CFAP119: variants seen among roughly 807,000 people sequenced by gnomAD.
CFAP119 encodes cilia- and flagella-associated protein 119.
chr16:30,759,416 G>C, the CFAP119 span: 1 of 1,614,264 alleles, frequency 6.2e-7, no homozygotes, highest in Non-Finnish European at 8.5e-7. Context: ...TCCAAGGCCA[G>C]CAGCTGTTCC....
the CFAP119 span, chr16:30,760,096 T>G: frequency 2.6e-6 from 4 of 1,538,408 alleles, no homozygotes; most frequent in African/African-American, 5.5e-5. Context: ...CTGTAAAATG[T>G]GTGCTGTATC....
the CFAP119 span, chr16:30,762,018 T>C: frequency 5.3e-5 from 27 of 506,774 alleles, no homozygotes; most frequent in Non-Finnish European, 8.7e-5. Flanking sequence ...ACGTGAGAAG[T>C]TGCGAGTGCC....
chr16:30,759,373 A>C, the CFAP119 span: 2 of 1,614,184 alleles, frequency 1.2e-6, no homozygotes, highest in East Asian at 4.5e-5. Context: ...ATAGAGCTTG[A>C]AGTGGCGGAA....
chr16:30,759,574 G>A, the CFAP119 span: 71 of 1,613,940 alleles, frequency 4.4e-5, no homozygotes, highest in Non-Finnish European at 5.9e-5. Flanking sequence ...AAGAAGATAA[G>A]GGTGATGAAT....
chr16:30,758,954 C>T, the CFAP119 span: 1 of 1,604,474 alleles, frequency 6.2e-7, no homozygotes, highest in Non-Finnish European at 8.5e-7. Context: ...GTCATCCAAA[C>T]CCTTCATTCT....
the CFAP119 span, chr16:30,760,529 A>G: frequency 6.2e-7 from 1 of 1,606,834 alleles, no homozygotes; most frequent in African/African-American, 1.3e-5. Context: ...CTTTGGAGTC[A>G]GCCATTCCTC....
the CFAP119 span, chr16:30,759,072 G>C: frequency 6.2e-7 from 1 of 1,614,202 alleles, no homozygotes. Context: ...GTAACTGCCT[G>C]CTCCTCCATC....
At chr16:30,760,084 T>A in the CFAP119 span, 16 of 1,536,654 alleles carry the variant, frequency 1.0e-5, no homozygotes, top group Non-Finnish European at 1.4e-5. Flanking sequence ...CTCAGAACAG[T>A]CCTGTAAAAT....
the CFAP119 span, chr16:30,759,051 C>G: frequency 3.5e-4 from 571 of 1,614,188 alleles, 4 homozygotes; most frequent in African/African-American, 6.3e-3. Context: ...TCTAGTTCCT[C>G]TTTCTGCGGG....
the CFAP119 span, chr16:30,757,511 G>A: frequency 1.2e-6 from 2 of 1,614,156 alleles, no homozygotes; most frequent in Non-Finnish European, 1.7e-6. Flanking sequence ...CCCGGAGGTA[G>A]CTGGAAGGGC....
At chr16:30,761,565 G>T in the CFAP119 span, 17 of 1,536,040 alleles carry the variant, frequency 1.1e-5, no homozygotes, top group Non-Finnish European at 1.2e-5. Context: ...TTGGCTCCGG[G>T]GTCTTCATCC....
At chr16:30,759,136 A>G in the CFAP119 span, 2 of 1,614,186 alleles carry the variant, frequency 1.2e-6, no homozygotes, top group South Asian at 2.2e-5. Context: ...CTGTGGCCCC[A>G]GGCCTGGCCC....
chr16:30,760,155 G>A, the CFAP119 span: 4 of 1,582,558 alleles, frequency 2.5e-6, no homozygotes, highest in Admixed American at 5.3e-5. Context: ...GATGGCTTGT[G>A]TATGATGATG....
the CFAP119 span, chr16:30,757,708 G>A: frequency 8.3e-5 from 129 of 1,553,358 alleles, 1 homozygote; most frequent in Admixed American, 1.7e-4. Context: ...TCTGGCAATG[G>A]GGGGATGGTC....
chr16:30,760,709 T>C, the CFAP119 span: 9 of 1,533,014 alleles, frequency 5.9e-6, no homozygotes, highest in African/African-American at 9.6e-5. Flanking sequence ...GGCCGTTACC[T>C]ATCATGACAA....
At chr16:30,757,560 G>A in the CFAP119 span, 27 of 1,614,112 alleles carry the variant, frequency 1.7e-5, no homozygotes, top group Admixed American at 5.0e-5. Flanking sequence ...GCCTTTCCTC[G>A]CTGGCCTTGA....
chr16:30,760,236 G>A, the CFAP119 span: 25 of 1,613,404 alleles, frequency 1.5e-5, no homozygotes, highest in Admixed American at 5.0e-5. Context: ...TGCCAGGCCC[G>A]GTTCCTCTTC....
the CFAP119 span, chr16:30,761,470 C>G: frequency 2.0e-6 from 3 of 1,522,002 alleles, no homozygotes; most frequent in Non-Finnish European, 2.6e-6. Context: ...CGTTAGTAAG[C>G]ATAATGACAG....
At chr16:30,760,000 T>C in the CFAP119 span, 8 of 1,466,618 alleles carry the variant, frequency 5.5e-6, no homozygotes, top group Non-Finnish European at 7.2e-6. Context: ...TATTAAACAT[T>C]CTGAAGCAAG....
Sources: allele counts gnomAD v4.1 joint callset, GRCh38; gene constraint gnomAD v4.1.1; transcripts MANE v1.5; gene names NCBI Gene and HGNC (gene_info 2026-07-23, HGNC 2026-07-21).